Variants in DNAH3 observed in about 807,000 individuals in gnomAD.
DNAH3 encodes axonemal beta dynein heavy chain 3.
DNAH3 carries 332 observed loss-of-function variants against 432.5 expected under a neutral mutation model. The observed-to-expected ratio is 0.77, with a 90% confidence interval of 0.70 to 0.84. DNAH3 has a LOEUF of 0.84. Ranked by LOEUF, DNAH3 falls within the 40% of genes least tolerant of loss-of-function variation. The pLI, the probability that DNAH3 is intolerant of heterozygous loss-of-function variation, is 0.00. For missense variants in DNAH3, 4,861 were observed against 5,114.0 expected, an observed-to-expected ratio of 0.95 and a Z score of 1.51; for synonymous variants, 1,956 against 1,900.2, an observed-to-expected ratio of 1.03 and a Z score of -0.76.
chr16:20,988,992 T>C (rs1047316086), intron 44 of DNAH3, among the ~76,000 whole-genome samples: 6 of 152,324 alleles, frequency 3.9e-5, no homozygotes, highest in Admixed American at 1.3e-4. Flanking sequence ...TTGCAGACTT[T>C]CGCGGGGAGT....
At chr16:21,123,291 A>C (rs1359723576) in intron 9 of DNAH3, among the ~76,000 whole-genome samples, 1 of 152,194 alleles carries the variant, frequency 6.6e-6, no homozygotes, top group Non-Finnish European at 1.5e-5. Flanking sequence ...CGCCTAATGA[A>C]ATTGTCAGAA....
At chr16:21,142,176 C>A (rs1273028793) in intron 3 of DNAH3, among the ~76,000 whole-genome samples, 2 of 152,046 alleles carry the variant, frequency 1.3e-5, no homozygotes, top group East Asian at 1.9e-4. Context: ...ACCAGCCTGA[C>A]CAACATGGTG....
At position 21,111,923 on chromosome 16, in the gene DNAH3, C is replaced by CACT. The variant is rs796664102; in HGVS notation, c.1920+67_1920+69dup. 2.3e-5 allele frequency: 36 copies of CACT among 1,542,632 alleles called. No homozygotes were observed. The African/African-American group carries it at 3.5e-4, about 15-fold the overall frequency. The stretch of plus-strand genomic sequence containing the variant: ...GAGCATGGTCTATGCACCAAAGAGA[C>CACT]ACTAACTGCTCATTGGATTGTCTGC... On this transcript the variant is annotated intron_variant, in intron 13 of 61. Transcript: ENST00000261383.
chr16:21,136,221 C>T, intron 6 of DNAH3, 103 bp downstream of exon 7: 1 of 1,157,098 alleles, frequency 8.6e-7, no homozygotes, highest in Non-Finnish European at 1.2e-6. Context: ...CCAGACCAGC[C>T]TGAGCAACAA....
intron 52 of DNAH3, among the ~76,000 whole-genome samples, chr16:20,966,014 ATTTTTTTTTTTTTTTTTTTTTTTTT>A (rs555983378): frequency 0.054 from 2,607 of 48,496 alleles, 258 homozygotes; most frequent in African/African-American, 0.2. Context: ...TGCCCAGCCA[ATTTTTTTTTTTTTTTTTTTTTTTTT>A]TTTTTTTTTT....
chr16:21,052,287 C>T (rs2089987497), intron 28 of DNAH3, among the ~76,000 whole-genome samples: 1 of 152,214 alleles, frequency 6.6e-6, no homozygotes, highest in South Asian at 2.1e-4. Flanking sequence ...CCACCGTGCC[C>T]AGCCCAAACA....
intron 1 of DNAH3, among the ~76,000 whole-genome samples, chr16:21,154,008 G>T (rs1400981440): frequency 1.3e-5 from 2 of 152,230 alleles, no homozygotes; most frequent in East Asian, 3.8e-4. Flanking sequence ...GAGAGCTGGA[G>T]ACTCTGGTTT....
exon 21 of DNAH3, chr16:21,075,543 T>C: frequency 6.2e-7 from 1 of 1,613,794 alleles, no homozygotes; most frequent in African/African-American, 1.3e-5. Flanking sequence ...TGCTGGCAGC[T>C]GCACCAATGG....
chr16:20,963,521 G>T (rs746173807), exon 53 of DNAH3: 2 of 1,613,960 alleles, frequency 1.2e-6, no homozygotes, highest in Non-Finnish European at 1.7e-6. Flanking sequence ...TCCTCATGGG[G>T]CCAGGCCGAG....
chr16:21,149,791 T>C (rs750785726), intron 1 of DNAH3, among the ~76,000 whole-genome samples: 1 of 152,138 alleles, frequency 6.6e-6, no homozygotes, highest in Non-Finnish European at 1.5e-5. Context: ...CAGCAAAACT[T>C]GAAGATTTCC....
At chr16:21,071,367 TCTCA>T (rs1361003681) in intron 21 of DNAH3, among the ~76,000 whole-genome samples, 1 of 149,784 alleles carries the variant, frequency 6.7e-6, no homozygotes, top group African/African-American at 2.5e-5. Flanking sequence ...AGAGATGGGG[TCTCA>T]CTGTGTTGCC....
exon 46 of DNAH3, chr16:20,987,712 C>G (rs1215207463): frequency 6.2e-7 from 1 of 1,614,014 alleles, no homozygotes; most frequent in Non-Finnish European, 8.5e-7. Context: ...TGTGTGAGGG[C>G]ACAGCAGGAC....
chr16:20,984,162 TG>T (rs2086065927), intron 48 of DNAH3, among the ~76,000 whole-genome samples: 2 of 36,734 alleles, frequency 5.4e-5, no homozygotes, highest in Admixed American at 2.6e-4. Flanking sequence ...CTTATCCCAA[TG>T]TGTGTGTGTG....
At chr16:21,053,175 C>G (rs1354459281) in intron 28 of DNAH3, among the ~76,000 whole-genome samples, 2 of 152,156 alleles carry the variant, frequency 1.3e-5, no homozygotes, top group African/African-American at 4.8e-5. Context: ...TTTCCTTCCT[C>G]TCTGTGACAG....
intron 51 of DNAH3, among the ~76,000 whole-genome samples, chr16:20,971,737 T>C (rs2085351987): frequency 6.6e-6 from 1 of 152,174 alleles, no homozygotes; most frequent in African/African-American, 2.4e-5. Flanking sequence ...TGGCCTGACA[T>C]TACAGAGCAG....
At chr16:21,002,370 ATCTT>A (rs201416253) in intron 42 of DNAH3, among the ~76,000 whole-genome samples, 2,012 of 152,232 alleles carry the variant, frequency 0.013, 16 homozygotes, top group Middle Eastern at 0.027. Flanking sequence ...GATCAAGAAA[ATCTT>A]TCTCTGAGGA....
At chr16:21,100,668 C>A (rs1029462275) in intron 16 of DNAH3, among the ~76,000 whole-genome samples, 3 of 152,178 alleles carry the variant, frequency 2.0e-5, no homozygotes, top group African/African-American at 7.2e-5. Flanking sequence ...CCTGAGTCAT[C>A]CATCGTGTAA....
intron 1 of DNAH3, among the ~76,000 whole-genome samples, chr16:21,151,512 G>A (rs1343394430): frequency 1.3e-5 from 2 of 151,974 alleles, no homozygotes; most frequent in African/African-American, 4.8e-5. Context: ...TAGCCAGGAT[G>A]GTCTCAATCT....
intron 5 of DNAH3, among the ~76,000 whole-genome samples, chr16:21,139,320 C>CTTTTTTTTT (rs9302391): frequency 0.035 from 1,028 of 29,632 alleles, 273 homozygotes; most frequent in East Asian, 0.064. Flanking sequence ...TTTCCTCATG[C>CTTTTTTTTT]TTTTTTTTTT....
Sources: allele counts gnomAD v4.1 joint callset (sites outside exome capture counted in the v4.1 genomes callset), GRCh38; gene constraint gnomAD v4.1.1; transcripts MANE v1.5; gene names NCBI Gene and HGNC (gene_info 2026-07-23, HGNC 2026-07-21).